Variants in MSR1 observed in about 807,000 individuals in gnomAD.
MSR1 encodes the protein macrophage scavenger receptor types I and II.
MSR1 carries 53 observed loss-of-function variants against 47.2 expected under a neutral mutation model. The observed-to-expected ratio is 1.12, with a 90% CI of 0.90 to 1.41. The LOEUF (loss-of-function observed/expected upper bound fraction) is 1.41, where lower values mean the gene tolerates loss of function less well. Among genes scored for constraint, MSR1 ranks in the 40% most tolerant of loss-of-function variants. MSR1 has a pLI of 0.00. For missense variants in MSR1, 786 were observed against 546.9 expected (o/e 1.44, Z -4.36); for synonymous variants, 239 against 185.6 (o/e 1.29, Z -2.34).
chr8:16,109,471 A>G lies in MSR1; in HGVS notation c.*614T>C, dbSNP rs1186778767. 1 of 152,724 alleles carries G rather than the reference A, an allele frequency of 6.5e-6. No individual in the cohort carries two copies. Among genetic ancestry groups the G allele is most frequent in the Non-Finnish European group, 1.5e-5 (1 of 68,360 alleles). The allele number at this position is 152,724 out of a possible 1,614,324, so 9.5% of individuals were successfully genotyped here. A position where few individuals can be genotyped will look rare whatever the true frequency, so the allele number is the denominator to read the frequency against. ...TGCTTTCAATTTACTTCATGATTCA[A>G]TTAAACAGTTGTCAGTACATGACAA... On this transcript the variant is annotated 3_prime_UTR_variant, in exon 10 of 10. Coordinates refer to ENST00000262101, the MANE Select transcript of MSR1 (RefSeq NM_138715.3).
At chr8:16,133,981 A>G (rs1392401226) in intron 8 of MSR1, among the ~76,000 whole-genome samples, 1 of 152,136 alleles carries the variant, frequency 6.6e-6, no homozygotes, top group Non-Finnish European at 1.5e-5. Context: ...TTAAGGCACA[A>G]ACAAGATGTA....
At chr8:16,168,894 C>A (rs1353676894) in intron 3 of MSR1, 24 bp from the exon 4 acceptor site, 7 of 1,605,932 alleles carry the variant, frequency 4.4e-6, no homozygotes, top group Non-Finnish European at 5.9e-6. Context: ...TAAAAATAAA[C>A]CAGTCATGGC....
intron 8 of MSR1, among the ~76,000 whole-genome samples, chr8:16,127,429 C>G (rs956768559): frequency 6.6e-6 from 1 of 152,152 alleles, no homozygotes; most frequent in Non-Finnish European, 1.5e-5. Flanking sequence ...GTTTGATCCA[C>G]TTTTTAGTGC....
At chr8:16,179,540 G>A (rs1801762368) in intron 1 of MSR1, among the ~76,000 whole-genome samples, 1 of 152,230 alleles carries the variant, frequency 6.6e-6, no homozygotes, top group South Asian at 2.1e-4. Context: ...AGGACAAATA[G>A]TTTTGCATAT....
At chr8:16,163,179 A>C (rs1801208274) in intron 5 of MSR1, among the ~76,000 whole-genome samples, 1 of 152,016 alleles carries the variant, frequency 6.6e-6, no homozygotes, top group East Asian at 1.9e-4. Flanking sequence ...GCAAGAGAAA[A>C]ATCTTAATCA....
At chr8:16,139,600 A>T in intron 8 of MSR1, 1 of 974,838 alleles carries the variant, frequency 1.0e-6, no homozygotes, top group Non-Finnish European at 1.2e-6. Flanking sequence ...GTAATCCCAT[A>T]AGAGATTTTT....
At chr8:16,143,338 A>G (rs1285409353) in intron 8 of MSR1, among the ~76,000 whole-genome samples, 2 of 152,178 alleles carry the variant, frequency 1.3e-5, no homozygotes, top group Non-Finnish European at 2.9e-5. Flanking sequence ...TCACAAAAAC[A>G]AAAGACAAAT....
intron 8 of MSR1, chr8:16,139,637 T>G (rs914855620): frequency 1.0e-6 from 1 of 973,832 alleles, no homozygotes; most frequent in African/African-American, 1.8e-5. Flanking sequence ...GGTATTCTTT[T>G]TCATGATCAA....
At chr8:16,183,026 G>C (rs1308670378) in intron 1 of MSR1, among the ~76,000 whole-genome samples, 1 of 152,048 alleles carries the variant, frequency 6.6e-6, no homozygotes, top group Non-Finnish European at 1.5e-5. Flanking sequence ...ACAGCTATGA[G>C]GTCAATAGGT....
chr8:16,190,072 C>A (rs1461510423), intron 1 of MSR1, among the ~76,000 whole-genome samples: 1 of 151,690 alleles, frequency 6.6e-6, no homozygotes, highest in Non-Finnish European at 1.5e-5. Context: ...TGCCACCATG[C>A]CCAGCTCATT....
intron 8 of MSR1, among the ~76,000 whole-genome samples, chr8:16,128,841 T>C (rs1181645317): frequency 6.6e-6 from 1 of 152,136 alleles, no homozygotes. Flanking sequence ...AAAAATGACA[T>C]AAGTACTTAC....
At chr8:16,146,025 G>A (rs937268061) in intron 7 of MSR1, among the ~76,000 whole-genome samples, 7 of 152,202 alleles carry the variant, frequency 4.6e-5, no homozygotes, top group Admixed American at 3.9e-4. Context: ...GATGTAAGAG[G>A]GGGTGTCTTC....
chr8:16,116,341 CT>C (rs1417959090), intron 9 of MSR1, among the ~76,000 whole-genome samples: 1 of 152,142 alleles, frequency 6.6e-6, no homozygotes, highest in East Asian at 1.9e-4. Context: ...AGTTAGAAAA[CT>C]CCTAATCTTT....
intron 8 of MSR1, among the ~76,000 whole-genome samples, chr8:16,125,365 T>G: frequency 6.6e-6 from 1 of 152,298 alleles, no homozygotes; most frequent in South Asian, 2.1e-4. Context: ...ACAAAGAGAC[T>G]TAGCAGTGAG....
chr8:16,157,121 A>G (rs1256533999), intron 5 of MSR1, among the ~76,000 whole-genome samples: 4 of 152,006 alleles, frequency 2.6e-5, no homozygotes, highest in African/African-American at 9.7e-5. Context: ...GTAACTCAGG[A>G]TCCAAAGCAA....
intron 3 of MSR1, among the ~76,000 whole-genome samples, chr8:16,174,249 CT>C (rs1203952446): frequency 8.6e-6 from 1 of 115,842 alleles, no homozygotes; most frequent in African/African-American, 2.9e-5. Flanking sequence ...TCTTTAGGAA[CT>C]TTTTTGTTGT....
chr8:16,186,717 G>T (rs1335234602), intron 1 of MSR1, among the ~76,000 whole-genome samples: 3 of 150,314 alleles, frequency 2.0e-5, no homozygotes, highest in Non-Finnish European at 4.4e-5. Context: ...CTGCAACCTT[G>T]ACCTCCTGGG....
At chr8:16,148,657 G>T (rs1278804880) in intron 7 of MSR1, among the ~76,000 whole-genome samples, 1 of 151,892 alleles carries the variant, frequency 6.6e-6, no homozygotes, top group Non-Finnish European at 1.5e-5. Context: ...TGGCCAGGCT[G>T]GTCTTGAACT....
At chr8:16,135,152 T>C (rs923494913) in intron 8 of MSR1, among the ~76,000 whole-genome samples, 2 of 152,200 alleles carry the variant, frequency 1.3e-5, no homozygotes, top group East Asian at 1.9e-4. Context: ...AGATTTTCAA[T>C]GTAGATGAAA....
Sources: gnomAD v4.1 joint callset for allele counts (sites outside exome capture counted in the v4.1 genomes callset) on GRCh38, gnomAD v4.1.1 for gene constraint, MANE v1.5 for transcripts, NCBI Gene and HGNC (gene_info 2026-07-23, HGNC 2026-07-21) for gene names.